FHIT: variants seen among roughly 807,000 people sequenced by gnomAD.
FHIT encodes bis(5'-adenosyl)-triphosphatase.
FHIT carries 19 observed loss-of-function variants against 17.9 expected under a neutral mutation model. That is an observed-to-expected ratio of 1.06 (90% CI 0.74 to 1.56). FHIT has a LOEUF of 1.56. Among genes scored for constraint, FHIT ranks in the 40% most tolerant of loss-of-function variants. The pLI is 0.00. For missense variants in FHIT, 248 were observed against 189.2 expected (o/e 1.31, Z -1.82); for synonymous variants, 81 against 69.7 (o/e 1.16, Z -0.81).
In FHIT at chr3:60,896,958, T is replaced by A. The variant is rs561453889; in HGVS notation, c.-110-74947A>T. On this transcript the variant is annotated intron_variant, in intron 3 of 9. Coordinates refer to ENST00000492590, the MANE Select transcript of FHIT (RefSeq NM_002012.4). Reference sequence around the variant, plus strand: ...AGATGACCAATTTCATATCTTCTAGTTTATCCTTCCTGTGTATCCTTTTGC... The same window carrying A: ...AGATGACCAATTTCATATCTTCTAGATTATCCTTCCTGTGTATCCTTTTGC... Among the ~76,000 whole-genome samples, 10 of 152,336 alleles carry A rather than the reference T, an allele frequency of 6.6e-5. No individual in the cohort carries two copies. In the South Asian group the frequency reaches 2.1e-3, roughly 32 times the overall value.
chr3:59,856,017 G>C (rs535169126), intron 8 of FHIT, among the ~76,000 whole-genome samples: 2 of 152,024 alleles, frequency 1.3e-5, no homozygotes, highest in African/African-American at 4.8e-5. Flanking sequence ...TCCTGACTTC[G>C]TGATCCACCC....
At chr3:61,224,474 C>A (rs201648196) in intron 1 of FHIT, among the ~76,000 whole-genome samples, 1 of 152,088 alleles carries the variant, frequency 6.6e-6, no homozygotes. Flanking sequence ...TGGAATGCAA[C>A]GATATGATCT....
At chr3:61,187,064 G>T (rs1036820493) in intron 2 of FHIT, among the ~76,000 whole-genome samples, 2 of 152,086 alleles carry the variant, frequency 1.3e-5, no homozygotes, top group African/African-American at 4.8e-5. Flanking sequence ...CATGTTCCTT[G>T]TACCTCACAC....
chr3:60,470,058 T>TTCTCTCTCTC (rs796525437), intron 5 of FHIT, among the ~76,000 whole-genome samples: 1,545 of 143,020 alleles, frequency 0.011, 8 homozygotes, highest in African/African-American at 0.019. Context: ...CTCTCTTTCT[T>TTCTCTCTCTC]TCTCTCTCTC....
At chr3:61,104,164 C>G (rs180766559) in intron 2 of FHIT, among the ~76,000 whole-genome samples, 195 of 152,178 alleles carry the variant, frequency 1.3e-3, no homozygotes, top group Non-Finnish European at 2.4e-3. Context: ...TATAGTGTCA[C>G]TGGTCTGTAT....
chr3:60,764,081 G>A (rs1553720780), intron 4 of FHIT, among the ~76,000 whole-genome samples: 2 of 152,120 alleles, frequency 1.3e-5, no homozygotes, highest in Non-Finnish European at 2.9e-5. Context: ...GCAAATTAGT[G>A]GTACGACGGG....
At chr3:60,715,780 A>T (rs1235708236) in intron 4 of FHIT, among the ~76,000 whole-genome samples, 2 of 152,180 alleles carry the variant, frequency 1.3e-5, no homozygotes, top group East Asian at 1.9e-4. Flanking sequence ...ATAATAATAA[A>T]AAACAAAACA....
chr3:61,131,452 A>G (rs2036761233), intron 2 of FHIT, among the ~76,000 whole-genome samples: 1 of 152,244 alleles, frequency 6.6e-6, no homozygotes, highest in Non-Finnish European at 1.5e-5. Context: ...AGTGAAGGCC[A>G]TAAGTGGACT....
rs554013263 is a variant in FHIT, at chr3:61,214,531, A to G, written c.-212-13866T>C. On this transcript the variant is annotated intron_variant, in intron 1 of 9. Coordinates refer to ENST00000492590, the MANE Select transcript of FHIT (RefSeq NM_002012.4). ...CAATAATCAATAGCTTACCAACCAA[A>G]AAGAGTCCAGGACCAGATGGATTCA... Among the ~76,000 whole-genome samples the G allele has an allele frequency of 3.9e-5, 6 of 152,280 alleles. No homozygotes were observed. In the East Asian group the frequency reaches 9.6e-4, roughly 24 times the overall value.
At chr3:60,346,360 T>C (rs1710779043) in intron 5 of FHIT, among the ~76,000 whole-genome samples, 1 of 152,200 alleles carries the variant, frequency 6.6e-6, no homozygotes. Context: ...CATTCAATTA[T>C]AAATGTGAAA....
chr3:61,028,683 G>T (rs1302139372), intron 3 of FHIT, among the ~76,000 whole-genome samples: 1 of 152,124 alleles, frequency 6.6e-6, no homozygotes, highest in Non-Finnish European at 1.5e-5. Flanking sequence ...GAGCACTGTA[G>T]TGAGGATCAA....
intron 5 of FHIT, among the ~76,000 whole-genome samples, chr3:60,284,743 A>G (rs917018472): frequency 2.0e-5 from 3 of 152,166 alleles, no homozygotes; most frequent in Non-Finnish European, 2.9e-5. Context: ...TATGACTCAA[A>G]GTCAATATGA....
At chr3:61,022,182 G>T (rs1437018118) in intron 3 of FHIT, among the ~76,000 whole-genome samples, 1 of 152,106 alleles carries the variant, frequency 6.6e-6, no homozygotes, top group Non-Finnish European at 1.5e-5. Context: ...TGATCCCACA[G>T]AAATAAAAGC....
intron 5 of FHIT, among the ~76,000 whole-genome samples, chr3:60,479,131 C>A (rs949858468): frequency 1.3e-5 from 2 of 152,132 alleles, no homozygotes; most frequent in Non-Finnish European, 1.5e-5. Flanking sequence ...TTCAGACGTG[C>A]CTTTCTCTGC....
At chr3:60,748,164 G>A (rs924073488) in intron 4 of FHIT, among the ~76,000 whole-genome samples, 3 of 152,160 alleles carry the variant, frequency 2.0e-5, no homozygotes, top group Admixed American at 6.5e-5. Context: ...TTATTAGAGA[G>A]TGGGAGATAG....
At chr3:60,217,922 A>G (rs919959819) in intron 5 of FHIT, among the ~76,000 whole-genome samples, 1 of 152,184 alleles carries the variant, frequency 6.6e-6, no homozygotes, top group Non-Finnish European at 1.5e-5. Context: ...CACTTTTAAC[A>G]ACTGTATTTA....
chr3:60,807,262 T>C (rs1283334589), intron 4 of FHIT, among the ~76,000 whole-genome samples: 2 of 152,112 alleles, frequency 1.3e-5, no homozygotes, highest in Non-Finnish European at 2.9e-5. Flanking sequence ...GAACTACAAA[T>C]AGTTTCCTTT....
At chr3:61,105,238 C>CTT (rs71629118) in intron 2 of FHIT, among the ~76,000 whole-genome samples, 7 of 150,610 alleles carry the variant, frequency 4.6e-5, no homozygotes, top group East Asian at 3.9e-4. Context: ...CCTTTGGATG[C>CTT]TTTTTTTTTC....
At chr3:60,110,910 A>G (rs921358324) in intron 5 of FHIT, among the ~76,000 whole-genome samples, 10 of 152,154 alleles carry the variant, frequency 6.6e-5, no homozygotes, top group African/African-American at 2.2e-4. Context: ...AACACACCCC[A>G]TCTAATCTCT....
Sources: allele counts gnomAD v4.1 joint callset (sites outside exome capture counted in the v4.1 genomes callset), GRCh38; gene constraint gnomAD v4.1.1; transcripts MANE v1.5; gene names NCBI Gene and HGNC (gene_info 2026-07-23, HGNC 2026-07-21).